The following NF1 variants were observed in gnomAD, a reference collection of about 807,000 sequenced individuals.
NF1 encodes the protein neurofibromin 1.
NF1 carries 122 observed loss-of-function variants against 325.7 expected under a neutral mutation model. The observed-to-expected ratio is 0.37, with a 90% CI of 0.32 to 0.44. The LOEUF (loss-of-function observed/expected upper bound fraction) is 0.44. NF1 is among the 20% of genes least tolerant of loss of function. The pLI is 1.00. For missense variants in NF1, 2,140 were observed against 3,415.4 expected (o/e 0.63, Z 9.31); for synonymous variants, 1,091 against 1,186.0 (o/e 0.92, Z 1.65).
intron 1 of NF1, among the ~76,000 whole-genome samples, chr17:31,117,122 C>T (rs1202507084): frequency 1.3e-5 from 2 of 151,898 alleles, no homozygotes; most frequent in Non-Finnish European, 2.9e-5. Context: ...GCTGGTACTA[C>T]AGGCGTGCCG....
In NF1 at chr17:31,375,745, C is replaced by T. The variant is rs2070722957; in HGVS notation, c.*1590C>T. The stretch of plus-strand genomic sequence containing the variant: ...ATAAATAATGGTACATTTAAGTGTT[C>T]TGATTTTAATAATATATTTCACATT... On this transcript the variant is annotated 3_prime_UTR_variant, in exon 58 of 58. Coordinates refer to ENST00000358273, the MANE Select transcript of NF1 (RefSeq NM_001042492.3). The T allele has an allele frequency of 4.3e-6, 1 of 232,216 alleles. No individual in the cohort carries two copies. Among genetic ancestry groups the T allele is most frequent in the Admixed American group, 5.6e-5 (1 of 17,740 alleles). The allele number at this position is 232,216 out of a possible 1,614,324, so 14.4% of individuals were successfully genotyped here. A position where few individuals can be genotyped will look rare whatever the true frequency, so the allele number is the denominator to read the frequency against.
chr17:31,179,551 C>CA (rs1219169263), intron 5 of NF1, among the ~76,000 whole-genome samples: 1 of 152,070 alleles, frequency 6.6e-6, no homozygotes, highest in Non-Finnish European at 1.5e-5. Flanking sequence ...AAAAACCTTT[C>CA]AAAAAATCAA....
chr17:31,311,242 C>T (rs1379332196), intron 36 of NF1, among the ~76,000 whole-genome samples: 4 of 151,922 alleles, frequency 2.6e-5, no homozygotes, highest in Admixed American at 2.6e-4. Context: ...CATGAGCCAC[C>T]GAGCCCGGCC....
chr17:31,243,834 AAC>A (rs17886164), intron 29 of NF1, among the ~76,000 whole-genome samples: 180 of 151,912 alleles, frequency 1.2e-3, no homozygotes, highest in African/African-American at 4.1e-3. Context: ...CCCAAGTTGC[AAC>A]ACAGAGTCCC....
intron 46 of NF1, 191 bp from the exon 47 acceptor site, chr17:31,340,314 C>T: frequency 1.5e-6 from 1 of 648,722 alleles, no homozygotes; most frequent in East Asian, 2.8e-5. Context: ...GTAACGTTCT[C>T]AGTCCAGCTA....
At chr17:31,350,071 G>T in intron 49 of NF1, 112 bp from the exon 50 acceptor site, 1 of 1,093,308 alleles carries the variant, frequency 9.1e-7, no homozygotes, top group African/African-American at 1.5e-5. Flanking sequence ...TCCAAAATAT[G>T]TGCACATTTA....
At chr17:31,108,265 T>TTG (rs1204778919) in intron 1 of NF1, among the ~76,000 whole-genome samples, 10 of 19,980 alleles carry the variant, frequency 5.0e-4, no homozygotes, top group African/African-American at 9.6e-4. Flanking sequence ...GTAGAGAGTT[T>TTG]TTTTTTTTTT....
intron 5 of NF1, among the ~76,000 whole-genome samples, chr17:31,170,987 A>G (rs2065919928): frequency 1.3e-5 from 2 of 152,230 alleles, no homozygotes; most frequent in African/African-American, 2.4e-5. Context: ...AGATTGAATT[A>G]TATTAGCTTC....
At chr17:31,272,100 A>C (rs2067910954) in intron 36 of NF1, 1 of 152,232 alleles carries the variant, frequency 6.6e-6, no homozygotes, top group African/African-American at 2.4e-5. Context: ...TTAAACGTAC[A>C]CAATTATAAT....
At chr17:31,246,291 A>G (rs2067389549) in intron 29 of NF1, among the ~76,000 whole-genome samples, 1 of 152,190 alleles carries the variant, frequency 6.6e-6, no homozygotes. Context: ...GTCTATGCAA[A>G]TTCTGTGCCT....
intron 22 of NF1, 131 bp from the exon 23 acceptor site, chr17:31,230,129 C>G: frequency 7.1e-7 from 1 of 1,416,072 alleles, no homozygotes; most frequent in Non-Finnish European, 9.8e-7. Flanking sequence ...TGTGTACGTT[C>G]TTTTCTAAAT....
chr17:31,335,180 C>G (rs1780127926), intron 40 of NF1, 149 bp downstream of exon 40: 1 of 651,656 alleles, frequency 1.5e-6, no homozygotes, highest in East Asian at 2.8e-5. Flanking sequence ...GACACTCACC[C>G]AGCTCTTCAT....
intron 16 of NF1, among the ~76,000 whole-genome samples, chr17:31,223,963 T>C (rs966923457): frequency 6.7e-6 from 1 of 149,840 alleles, no homozygotes; most frequent in African/African-American, 2.6e-5. Context: ...AAGAATTCTA[T>C]TATGGCGTAG....
chr17:31,196,068 A>T (rs1404667921), intron 8 of NF1, among the ~76,000 whole-genome samples: 1 of 152,040 alleles, frequency 6.6e-6, no homozygotes, highest in Non-Finnish European at 1.5e-5. Context: ...TTTCAGTTTT[A>T]TCAGTGCAGA....
At chr17:31,206,445 G>A (rs2143916862) in intron 12 of NF1, 74 bp downstream of exon 12, 1 of 1,572,822 alleles carries the variant, frequency 6.4e-7, no homozygotes, top group African/African-American at 1.4e-5. Context: ...TCCTATTCCT[G>A]CTGCTTTGGT....
rs1248780758 is a variant in NF1, at chr17:31,221,845, T to C, written c.1642-5T>C. ...CTTTGTCTTTCTCTTTTTTAAAAAA[T>C]TCAGGCTCTGCTGGTTCTTCATCAG... On this transcript the variant is annotated splice_polypyrimidine_tract_variant and splice_region_variant and intron_variant, in intron 14 of 57. Transcript: ENST00000358273. 1 of 1,599,672 alleles carries C rather than the reference T, an allele frequency of 6.3e-7. No homozygotes were observed. The highest frequency in any genetic ancestry group is 1.7e-5 in the Admixed American group (1 of 59,950).
intron 29 of NF1, among the ~76,000 whole-genome samples, chr17:31,239,274 G>C (rs2067254329): frequency 6.6e-6 from 1 of 152,216 alleles, no homozygotes; most frequent in Non-Finnish European, 1.5e-5. Context: ...GAAAAAAGCT[G>C]TAACAGGGAG....
chr17:31,162,574 A>T (rs961496452), intron 3 of NF1, among the ~76,000 whole-genome samples: 1 of 152,214 alleles, frequency 6.6e-6, no homozygotes, highest in Non-Finnish European at 1.5e-5. Flanking sequence ...GTATTAGATG[A>T]TACAAGGGAA....
intron 36 of NF1, among the ~76,000 whole-genome samples, chr17:31,309,349 G>A (rs1014175065): frequency 6.6e-6 from 1 of 152,164 alleles, no homozygotes; most frequent in Admixed American, 6.5e-5. Flanking sequence ...ATAAGCAGAG[G>A]CAGTGAAATC....
Sources: allele counts gnomAD v4.1 joint callset (sites outside exome capture counted in the v4.1 genomes callset), GRCh38; gene constraint gnomAD v4.1.1; transcripts MANE v1.5; gene names NCBI Gene and HGNC (gene_info 2026-07-23, HGNC 2026-07-21).